The following C8orf34 variants were observed in gnomAD, a reference collection of about 807,000 sequenced individuals.
C8orf34 encodes the protein chromosome 8 open reading frame 34, also known as uncharacterized protein C8orf34.
A neutral mutation model predicts 68.3 loss-of-function variants in C8orf34; 65 were observed. That is an observed-to-expected ratio of 0.95 (90% CI 0.78 to 1.17). The LOEUF (loss-of-function observed/expected upper bound fraction) is 1.17. Ranked by LOEUF, C8orf34 falls within the 50% of genes most tolerant of loss-of-function variation. The pLI is 0.00. For missense variants in C8orf34, 664 were observed against 655.4 expected (o/e 1.01, Z -0.14); for synonymous variants, 244 against 241.2 (o/e 1.01, Z -0.11).
intron 7 of C8orf34, chr8:68,534,517 C>T: frequency 1.5e-6 from 1 of 671,582 alleles, no homozygotes; most frequent in Non-Finnish European, 1.8e-6. Flanking sequence ...ATGAAGCACA[C>T]AGTTGTGTAT....
intron 10 of C8orf34, among the ~76,000 whole-genome samples, chr8:68,754,098 A>AC (rs1007517576): frequency 6.6e-6 from 1 of 152,072 alleles, no homozygotes; most frequent in African/African-American, 2.4e-5. Context: ...TTAACTGGAA[A>AC]AAAAAATCAC....
At chr8:68,454,934 G>C (rs144810496) in intron 3 of C8orf34, among the ~76,000 whole-genome samples, 3 of 151,558 alleles carry the variant, frequency 2.0e-5, no homozygotes, top group Admixed American at 6.6e-5. Context: ...CTTAAGGTTC[G>C]GTATGTTGTT....
chr8:68,674,991 C>A (rs75810927), intron 8 of C8orf34, among the ~76,000 whole-genome samples: 32,870 of 150,818 alleles, frequency 0.22, 3,930 homozygotes, highest in Middle Eastern at 0.35. Context: ...GCCAGGAGAC[C>A]ATGGCATGAC....
intron 7 of C8orf34, among the ~76,000 whole-genome samples, chr8:68,549,161 T>G (rs186733980): frequency 6.6e-6 from 1 of 151,888 alleles, no homozygotes; most frequent in East Asian, 1.9e-4. Context: ...GAGAGAGTCC[T>G]CATTAAAAAC....
At chr8:68,454,123 G>T (rs1007766985) in intron 3 of C8orf34, among the ~76,000 whole-genome samples, 2 of 151,890 alleles carry the variant, frequency 1.3e-5, no homozygotes, top group Admixed American at 6.6e-5. Context: ...ATAAATACTT[G>T]GTCGTGATGT....
chr8:68,425,758 C>T (rs952066379), intron 1 of C8orf34, among the ~76,000 whole-genome samples: 4 of 149,774 alleles, frequency 2.7e-5, no homozygotes, highest in African/African-American at 7.3e-5. Context: ...TAGGAGAAAC[C>T]ACTCTTCCTG....
At chr8:68,422,932 A>C (rs1810043444) in intron 1 of C8orf34, among the ~76,000 whole-genome samples, 1 of 152,204 alleles carries the variant, frequency 6.6e-6, no homozygotes, top group Admixed American at 6.5e-5. Flanking sequence ...GCCCCGAGCT[A>C]TACCTTGGCC....
intron 4 of C8orf34, among the ~76,000 whole-genome samples, chr8:68,469,969 G>A (rs1812314423): frequency 1.3e-5 from 2 of 150,478 alleles, no homozygotes; most frequent in Admixed American, 1.3e-4. Context: ...TGTGTGTACA[G>A]CTTTAGTTTT....
chr8:68,361,642 T>C (rs1807004902), intron 1 of C8orf34, among the ~76,000 whole-genome samples: 2 of 152,274 alleles, frequency 1.3e-5, no homozygotes, highest in Admixed American at 6.5e-5. Context: ...CACCCATTTC[T>C]GTGGTTAACC....
rs192696088 is a variant in C8orf34 at position 68,794,712 on chromosome 8, C to A, written c.1549+7176C>A. Among the ~76,000 whole-genome samples, 791 of 151,038 alleles carry A rather than the reference C, an allele frequency of 5.2e-3. 9 individuals are homozygous for A. Among genetic ancestry groups the A allele is most frequent in the African/African-American group, 0.018 (752 of 40,900 alleles). Reference sequence around the variant, plus strand: ...ATGTTGCCCAGGTTGGTCTTGAACCCCTTGGTTCAAGTGATCTGTCTGCCT... The same window carrying A: ...ATGTTGCCCAGGTTGGTCTTGAACCACTTGGTTCAAGTGATCTGTCTGCCT... On this transcript the variant is annotated intron_variant, in intron 12 of 13. Coordinates refer to ENST00000518698, the MANE Select transcript of C8orf34 (RefSeq NM_052958.4).
intron 6 of C8orf34, among the ~76,000 whole-genome samples, chr8:68,523,220 A>G (rs1814833498): frequency 6.6e-6 from 1 of 152,226 alleles, no homozygotes; most frequent in Non-Finnish European, 1.5e-5. Flanking sequence ...TTTTTTTAAT[A>G]CCAGGCTTAT....
At chr8:68,525,677 C>T in intron 6 of C8orf34, 1 of 669,492 alleles carries the variant, frequency 1.5e-6, no homozygotes, top group Non-Finnish European at 2.8e-6. Flanking sequence ...CACATGAAAC[C>T]TGGGGCTGAT....
At chr8:68,399,042 A>G (rs915118125) in intron 1 of C8orf34, among the ~76,000 whole-genome samples, 1 of 152,144 alleles carries the variant, frequency 6.6e-6, no homozygotes, top group African/African-American at 2.4e-5. Context: ...TACTGAACCC[A>G]GGAAATTATG....
In C8orf34 at chr8:68,338,479, A is replaced by G. The variant is rs79155439; in HGVS notation, c.327+7140A>G. Among the ~76,000 whole-genome samples the G allele has an allele frequency of 7.9e-3, 1,198 of 152,272 alleles. 19 individuals carry two copies. The highest frequency in any genetic ancestry group is 0.027 in the African/African-American group (1,102 of 41,566). Reference sequence around the variant, plus strand: ...CTCCTCTTCTCCTTACTCCTTCTGCATCTTCAGGCAATGACTGATCTCCTT... The same window carrying G: ...CTCCTCTTCTCCTTACTCCTTCTGCGTCTTCAGGCAATGACTGATCTCCTT... On this transcript the variant is annotated intron_variant, in intron 1 of 13. Transcript: ENST00000518698.
intron 7 of C8orf34, among the ~76,000 whole-genome samples, chr8:68,611,153 T>G (rs1354991034): frequency 6.6e-6 from 1 of 152,142 alleles, no homozygotes; most frequent in Admixed American, 6.6e-5. Context: ...CGTGAGCCAC[T>G]GTGCCCAGCC....
At chr8:68,336,864 G>A (rs944434937) in intron 1 of C8orf34, among the ~76,000 whole-genome samples, 2 of 152,104 alleles carry the variant, frequency 1.3e-5, no homozygotes, top group Non-Finnish European at 2.9e-5. Flanking sequence ...GGACACAGAG[G>A]ATGTGCCTAC....
chr8:68,370,325 T>C (rs1807504213), intron 1 of C8orf34, among the ~76,000 whole-genome samples: 1 of 152,208 alleles, frequency 6.6e-6, no homozygotes, highest in East Asian at 1.9e-4. Context: ...TTGCCCATGA[T>C]AGTAAATATG....
chr8:68,387,734 A>G (rs1181267112), intron 1 of C8orf34, among the ~76,000 whole-genome samples: 2 of 152,218 alleles, frequency 1.3e-5, no homozygotes, highest in Non-Finnish European at 2.9e-5. Context: ...AAAGTAGTCA[A>G]AATAGCTCAT....
At chr8:68,609,437 G>A (rs200856781) in intron 7 of C8orf34, among the ~76,000 whole-genome samples, 2 of 152,084 alleles carry the variant, frequency 1.3e-5, no homozygotes, top group Non-Finnish European at 2.9e-5. Flanking sequence ...GAAGAATCTC[G>A]AAATGAACTT....
Sources: allele counts gnomAD v4.1 joint callset (sites outside exome capture counted in the v4.1 genomes callset), GRCh38; gene constraint gnomAD v4.1.1; transcripts MANE v1.5; gene names NCBI Gene and HGNC (gene_info 2026-07-23, HGNC 2026-07-21).